TDP2: variants seen among roughly 807,000 people sequenced by gnomAD.
The protein encoded by TDP2 is 5'-Tyr-DNA phosphodiesterase.
Under a neutral mutation model 42.8 loss-of-function variants are expected in TDP2, and 38 were observed. The ratio of observed to expected loss-of-function variants is 0.89; its 90% CI spans 0.68 to 1.16. The LOEUF (loss-of-function observed/expected upper bound fraction) is 1.16, where lower values mean the gene tolerates loss of function less well. Ranked by LOEUF, TDP2 falls within the 50% of genes most tolerant of loss-of-function variation. The pLI, the probability that TDP2 is intolerant of heterozygous loss-of-function variation, is 0.00. For missense variants in TDP2, 439 were observed against 439.3 expected, an observed-to-expected ratio of 1.00 and a Z score of 0.01; for synonymous variants, 173 against 150.6, an observed-to-expected ratio of 1.15 and a Z score of -1.09.
rs16889567 is a variant in TDP2 at position 24,650,398 on chromosome 6, C to T, written c.*390G>A. On this transcript the variant is annotated 3_prime_UTR_variant, in exon 7 of 7. Coordinates refer to ENST00000378198, the MANE Select transcript of TDP2 (RefSeq NM_016614.3). ...AACTTATGAAATAAAGGATCCAGTC[C>T]CAAGAACTCAATAATCTCTTATGTT... 0.033 allele frequency: 5,803 copies of T among 175,252 alleles called. 99 individuals are homozygous for T. Among genetic ancestry groups the T allele is most frequent in the African/African-American group, 0.039 (1,629 of 41,810 alleles). The allele number at this position is 175,252 out of a possible 1,614,324, so 10.9% of individuals were successfully genotyped here.
intron 2 of TDP2, among the ~76,000 whole-genome samples, chr6:24,662,416 C>T (rs930993041): frequency 1.3e-5 from 2 of 152,028 alleles, no homozygotes; most frequent in African/African-American, 2.4e-5. Context: ...GACATGCTGG[C>T]GGCAATACTA....
In TDP2 at chr6:24,650,860, T is replaced by G; in HGVS notation, c.1017A>C (p.Leu339Phe). 1.2e-6 allele frequency: 2 copies of G among 1,614,188 alleles called. No homozygotes were observed. Among genetic ancestry groups the G allele is most frequent in the African/African-American group, 2.7e-5 (2 of 75,062 alleles). ...GAAATCTACCACAGTCCAGTTTTTC[T>G]AATCCAAGAAGGTCCAAACTTCGGG... The part of the protein sequence containing the change: ...IIPRSLDLLG[L>F]EKLDCGRFPS... Residue 339 changes from leucine (L) to phenylalanine (F), a missense_variant, in exon 7 of 7, where the codon TTA becomes TTC. Coordinates refer to ENST00000378198, the MANE Select transcript of TDP2 (RefSeq NM_016614.3).
chr6:24,663,086 C>T (rs1316742978), intron 2 of TDP2, among the ~76,000 whole-genome samples: 3 of 152,182 alleles, frequency 2.0e-5, no homozygotes, highest in African/African-American at 7.2e-5. Flanking sequence ...CTACTTTCCT[C>T]AACAGGTGGA....
chr6:24,654,801 GA>G (rs1293514149), intron 4 of TDP2, among the ~76,000 whole-genome samples: 1 of 152,192 alleles, frequency 6.6e-6, no homozygotes. Flanking sequence ...AGCACTTTGG[GA>G]GGTCGAGGTG....
At chr6:24,665,256 T>C (rs1778211922) in intron 2 of TDP2, among the ~76,000 whole-genome samples, 1 of 152,208 alleles carries the variant, frequency 6.6e-6, no homozygotes, top group South Asian at 2.1e-4. Flanking sequence ...CATGTTACAG[T>C]TCCAGCTCCA....
At chr6:24,660,327 T>C (rs923672235) in intron 2 of TDP2, among the ~76,000 whole-genome samples, 12 of 152,276 alleles carry the variant, frequency 7.9e-5, no homozygotes, top group Middle Eastern at 3.4e-3. Flanking sequence ...ATAGAGAGAA[T>C]TTACACAAAC....
At chr6:24,658,957 TC>T (rs1261585935) in intron 2 of TDP2, 2 of 522,966 alleles carry the variant, frequency 3.8e-6, no homozygotes, top group East Asian at 6.5e-5. Flanking sequence ...CGGAAAGTCA[TC>T]CCATAGCCCT....
At chr6:24,664,810 T>C (rs1198252659) in intron 2 of TDP2, among the ~76,000 whole-genome samples, 2 of 152,198 alleles carry the variant, frequency 1.3e-5, no homozygotes, top group African/African-American at 2.4e-5. Flanking sequence ...CATTCATACT[T>C]GACCTGAGTT....
chr6:24,658,022 T>C, intron 3 of TDP2, 119 bp from the exon 4 acceptor site: 1 of 606,648 alleles, frequency 1.6e-6, no homozygotes, highest in Non-Finnish European at 2.9e-6. Flanking sequence ...CACCTAATAT[T>C]GAGTGTTTAT....
chr6:24,650,749 T>G lies in TDP2; in HGVS notation c.*39A>C. 1 of 1,593,580 alleles carries G rather than the reference T, an allele frequency of 6.3e-7. No individual in the cohort carries two copies. The highest frequency in any genetic ancestry group is 8.6e-7 in the Non-Finnish European group (1 of 1,167,856). On this transcript the variant is annotated 3_prime_UTR_variant, in exon 7 of 7. Coordinates refer to ENST00000378198, the MANE Select transcript of TDP2 (RefSeq NM_016614.3). ...CCTTTCCAGAAGGTGGAAATTGTATTTGCAACAATCAGGGCAAAACCCACA... is the reference window on the plus strand; with the variant it reads ...CCTTTCCAGAAGGTGGAAATTGTATGTGCAACAATCAGGGCAAAACCCACA...
At chr6:24,653,360 A>G (rs1778003731) in intron 5 of TDP2, among the ~76,000 whole-genome samples, 2 of 151,938 alleles carry the variant, frequency 1.3e-5, no homozygotes, top group South Asian at 4.2e-4. Context: ...AGCACGACCT[A>G]CCCCCAGATG....
intron 2 of TDP2, among the ~76,000 whole-genome samples, chr6:24,662,403 T>C (rs968086511): frequency 1.3e-5 from 2 of 151,964 alleles, no homozygotes; most frequent in African/African-American, 4.8e-5. Flanking sequence ...TAGCTGGAGG[T>C]GAGACATGCT....
At chr6:24,664,223 G>C (rs149587517) in intron 2 of TDP2, among the ~76,000 whole-genome samples, 6 of 151,570 alleles carry the variant, frequency 4.0e-5, no homozygotes, top group Admixed American at 6.6e-5. Context: ...ACAAATTCCC[G>C]AGTAGCAGTG....
intron 2 of TDP2, among the ~76,000 whole-genome samples, chr6:24,661,469 C>T (rs372340422): frequency 9.2e-5 from 14 of 152,208 alleles, no homozygotes; most frequent in African/African-American, 3.1e-4. Flanking sequence ...ACCACAGATA[C>T]CATTGGCTCA....
At chr6:24,658,775 A>T in intron 2 of TDP2, 41 bp from the exon 3 acceptor site, 2 of 1,560,172 alleles carry the variant, frequency 1.3e-6, no homozygotes, top group Non-Finnish European at 1.7e-6. Flanking sequence ...CAAATAATCT[A>T]TAAATTGATT....
intron 4 of TDP2, among the ~76,000 whole-genome samples, chr6:24,657,589 A>G (rs1452931404): frequency 6.6e-6 from 1 of 152,090 alleles, no homozygotes; most frequent in Admixed American, 6.6e-5. Context: ...TTAGTAATTT[A>G]TATTTTCCTG....
At chr6:24,665,487 G>A (rs569406071) in intron 2 of TDP2, among the ~76,000 whole-genome samples, 4 of 152,374 alleles carry the variant, frequency 2.6e-5, no homozygotes, top group African/African-American at 9.6e-5. Context: ...CTGTAAGCCA[G>A]TGTAGCTGAA....
chr6:24,662,793 C>T (rs1229385482), intron 2 of TDP2, among the ~76,000 whole-genome samples: 1 of 152,226 alleles, frequency 6.6e-6, no homozygotes, highest in African/African-American at 2.4e-5. Flanking sequence ...CCCCCTTCAT[C>T]TTACCACCAG....
chr6:24,657,952 T>C, intron 3 of TDP2, 49 bp from the exon 4 acceptor site: 1 of 1,302,658 alleles, frequency 7.7e-7, no homozygotes, highest in Non-Finnish European at 1.1e-6. Flanking sequence ...ACCATTTCAT[T>C]TTCAGCTACC....
Sources: gnomAD v4.1 joint callset for allele counts (sites outside exome capture counted in the v4.1 genomes callset) on GRCh38, gnomAD v4.1.1 for gene constraint, MANE v1.5 for transcripts, NCBI Gene and HGNC (gene_info 2026-07-23, HGNC 2026-07-21) for gene names.